The following KCNB2 variants were observed in gnomAD, a reference collection of about 807,000 sequenced individuals.
KCNB2 encodes the protein potassium voltage-gated channel subfamily B member 2.
A neutral mutation model predicts 61.5 loss-of-function variants in KCNB2; 15 were observed. That is an observed-to-expected ratio of 0.24 (90% CI 0.16 to 0.38). The LOEUF (loss-of-function observed/expected upper bound fraction) is 0.38. KCNB2 is among the 10% of genes least tolerant of loss of function. KCNB2 has a pLI of 1.00. For missense variants in KCNB2, 828 were observed against 1,125.2 expected, an observed-to-expected ratio of 0.74 and a Z score of 3.78; for synonymous variants, 457 against 446.0, an observed-to-expected ratio of 1.02 and a Z score of -0.31.
chr8:72,816,277 C>T (rs1381961031), intron 2 of KCNB2, among the ~76,000 whole-genome samples: 1 of 152,162 alleles, frequency 6.6e-6, no homozygotes, highest in Non-Finnish European at 1.5e-5. Context: ...GATCCCTGAA[C>T]CTGGGTCCTT....
At chr8:72,601,853 G>C (rs1425974891) in intron 2 of KCNB2, among the ~76,000 whole-genome samples, 6 of 152,138 alleles carry the variant, frequency 3.9e-5, no homozygotes, top group African/African-American at 1.4e-4. Flanking sequence ...ATTTCAACAA[G>C]CCTAAGTGAT....
intron 2 of KCNB2, among the ~76,000 whole-genome samples, chr8:72,676,834 T>C (rs1806661821): frequency 6.6e-6 from 1 of 152,110 alleles, no homozygotes; most frequent in Admixed American, 6.6e-5. Flanking sequence ...TAACCCTCAA[T>C]GCATCTGAAT....
At chr8:72,865,437 C>T (rs1162199379) in intron 2 of KCNB2, among the ~76,000 whole-genome samples, 1 of 152,074 alleles carries the variant, frequency 6.6e-6, no homozygotes, top group Non-Finnish European at 1.5e-5. Context: ...TCCCCTGGAA[C>T]TCCAAGGACA....
intron 2 of KCNB2, among the ~76,000 whole-genome samples, chr8:72,920,461 C>CTATATATATATATATATA (rs1210179232): frequency 3.6e-4 from 26 of 72,604 alleles, no homozygotes; most frequent in Admixed American, 2.0e-3. Flanking sequence ...ATCTATCTAT[C>CTATATATATATATATATA]TATCTATCTA....
chr8:72,654,016 A>T (rs140726792), intron 2 of KCNB2, among the ~76,000 whole-genome samples: 1 of 152,154 alleles, frequency 6.6e-6, no homozygotes, highest in Admixed American at 6.6e-5. Context: ...AGATTAGAGA[A>T]TGCACTTTTT....
intron 1 of KCNB2, among the ~76,000 whole-genome samples, chr8:72,546,322 C>T (rs1181588170): frequency 4.0e-5 from 6 of 151,882 alleles, no homozygotes; most frequent in South Asian, 2.1e-4. Context: ...AAGACCAGCC[C>T]GGCCAACTTG....
At chr8:72,660,521 G>C (rs1806361651) in intron 2 of KCNB2, 1 of 152,134 alleles carries the variant, frequency 6.6e-6, no homozygotes. Flanking sequence ...TCCAACATCA[G>C]AGACATAAGT....
intron 2 of KCNB2, among the ~76,000 whole-genome samples, chr8:72,712,851 A>G (rs1454785793): frequency 6.6e-6 from 1 of 152,188 alleles, no homozygotes; most frequent in Non-Finnish European, 1.5e-5. Flanking sequence ...CATGAGCCAA[A>G]GCAGGGCGAG....
In KCNB2 at chr8:72,936,250, G is replaced by A. The variant is rs1806901816; in HGVS notation, c.895G>A (p.Val299Met). ...SVLQFQNVRR[V>M]VQIFRIMRIL... ...GCTGCAGTTCCAAAACGTGAGGCGC[G>A]TGGTCCAGATCTTCCGAATCATGCG... Residue 299 changes from valine to methionine, a missense_variant, in exon 3 of 3, where the codon GTG (valine) becomes ATG (methionine). Coordinates refer to ENST00000523207, the MANE Select transcript of KCNB2 (RefSeq NM_004770.3). This position sits in a 1 kb window ranked among gnomAD's most constrained non-coding sequence, Gnocchi z 5.6. The A allele has an allele frequency of 4.3e-6, 7 of 1,614,120 alleles. No individual in the cohort carries two copies. Among genetic ancestry groups the A allele is most frequent in the Non-Finnish European group, 5.1e-6 (6 of 1,180,040 alleles).
At position 72,689,137 on chromosome 8, in the gene KCNB2, G is replaced by C. The variant is rs539829183; in HGVS notation, c.579+120824G>C. Among the ~76,000 whole-genome samples the C allele has an allele frequency of 2.5e-4, 38 of 152,300 alleles. No individual in the cohort carries two copies. In the South Asian group the frequency reaches 5.8e-3, roughly 23 times the overall value. ...AAGTAGATATAAATGGAGATAGAGA[G>C]AGAGAGATAGTACTTTAAAAGTTAT... On this transcript the variant is annotated intron_variant, in intron 2 of 2. Transcript: ENST00000523207.
intron 2 of KCNB2, among the ~76,000 whole-genome samples, chr8:72,807,236 T>C (rs947060977): frequency 3.9e-4 from 59 of 152,186 alleles, no homozygotes; most frequent in African/African-American, 1.2e-3. Context: ...GTAGGTTATG[T>C]CCTATATCTC....
At chr8:72,732,275 G>A (rs1389776226) in intron 2 of KCNB2, among the ~76,000 whole-genome samples, 1 of 152,190 alleles carries the variant, frequency 6.6e-6, no homozygotes. Flanking sequence ...CTACTCCTTA[G>A]CTAGAACCTG....
At chr8:72,716,032 A>G (rs980866619) in intron 2 of KCNB2, among the ~76,000 whole-genome samples, 4 of 152,238 alleles carry the variant, frequency 2.6e-5, no homozygotes, top group Admixed American at 6.5e-5. Context: ...TACTATAAAC[A>G]TCTCTACGCA....
At chr8:72,555,740 T>A (rs919243367) in intron 1 of KCNB2, among the ~76,000 whole-genome samples, 5 of 149,614 alleles carry the variant, frequency 3.3e-5, no homozygotes, top group African/African-American at 1.2e-4. Flanking sequence ...CATTTGGATT[T>A]TCTTTTTATT....
At chr8:72,823,820 G>A (rs1439056390) in intron 2 of KCNB2, among the ~76,000 whole-genome samples, 1 of 152,138 alleles carries the variant, frequency 6.6e-6, no homozygotes, top group Non-Finnish European at 1.5e-5. Flanking sequence ...GCTAAGTGTT[G>A]GAGCTGAGAG....
chr8:72,866,793 G>A lies in KCNB2; in HGVS notation c.580-69142G>A, dbSNP rs140117072. 5.9e-3 allele frequency among the ~76,000 whole-genome samples: 900 copies of A among 152,174 alleles called. 11 individuals are homozygous for A. Among genetic ancestry groups the A allele is most frequent in the African/African-American group, 0.02 (847 of 41,516 alleles). ...TCATCTCATTTATTTTAATGCTTTA[G>A]CACAGGAAGGTAGGTATTTTTTTTA... is the stretch of plus-strand genomic sequence containing the variant. On this transcript the variant is annotated intron_variant, in intron 2 of 2. Coordinates refer to ENST00000523207, the MANE Select transcript of KCNB2 (RefSeq NM_004770.3).
At chr8:72,913,734 G>A (rs1806341928) in intron 2 of KCNB2, among the ~76,000 whole-genome samples, 1 of 152,184 alleles carries the variant, frequency 6.6e-6, no homozygotes, top group Non-Finnish European at 1.5e-5. Flanking sequence ...GGAGTTCCAG[G>A]ATCAGACCTG....
At chr8:72,558,789 G>A (rs2128977949) in intron 1 of KCNB2, among the ~76,000 whole-genome samples, 1 of 151,730 alleles carries the variant, frequency 6.6e-6, no homozygotes, top group African/African-American at 2.4e-5. Flanking sequence ...ATATATAATT[G>A]ATGTTGTGAC....
intron 1 of KCNB2, among the ~76,000 whole-genome samples, chr8:72,540,964 A>G (rs1806180605): frequency 6.7e-6 from 1 of 149,420 alleles, no homozygotes; most frequent in African/African-American, 2.5e-5. Flanking sequence ...TAAAAAATAT[A>G]GAAGCTAGGC....
Sources: gnomAD v4.1 joint callset for allele counts (sites outside exome capture counted in the v4.1 genomes callset) on GRCh38, gnomAD v4.1.1 for gene constraint, Gnocchi (gnomAD v3.1) non-coding constraint, MANE v1.5 for transcripts, NCBI Gene and HGNC (gene_info 2026-07-23, HGNC 2026-07-21) for gene names.